The following TPD52 variants were observed in gnomAD, a reference collection of about 807,000 sequenced individuals.
TPD52 encodes the protein prostate and colon associated protein.
Under a neutral mutation model 31.3 loss-of-function variants are expected in TPD52, and 17 were observed. That is an observed-to-expected ratio of 0.54 (90% confidence interval 0.37 to 0.82). TPD52 has a LOEUF of 0.82. Among genes scored for constraint, TPD52 ranks in the 40% least tolerant of loss-of-function variants. The pLI is 0.00. For missense variants in TPD52, 212 were observed against 240.1 expected, an observed-to-expected ratio of 0.88 and a Z score of 0.77; for synonymous variants, 83 against 89.6, an observed-to-expected ratio of 0.93 and a Z score of 0.42.
intron 1 of TPD52, among the ~76,000 whole-genome samples, chr8:80,127,024 A>G (rs1007744178): frequency 6.6e-6 from 1 of 151,992 alleles, no homozygotes; most frequent in East Asian, 1.9e-4. Flanking sequence ...TGGAAGGATC[A>G]CCTGAGCTCA....
At chr8:80,094,450 A>G (rs1449957484) in intron 1 of TPD52, among the ~76,000 whole-genome samples, 1 of 63,146 alleles carries the variant, frequency 1.6e-5, no homozygotes, top group Non-Finnish European at 2.9e-5. Context: ...ATATATATAT[A>G]TATATATATA....
rs1563610171 is a variant in TPD52 at position 80,081,154 on chromosome 8, CTCTTTTTTTTTTTTT to C, written c.20-16576_20-16562del. ...CTTCAGACTGACTTTTCTTTTCTCTCTCTTTTTTTTTTTTTTTTTTTTTTTAGAAAGCTGGTGCTT... is the reference window on the plus strand; with the variant it reads ...CTTCAGACTGACTTTTCTTTTCTCTCTTTTTTTTTTAGAAAGCTGGTGCTT... On this transcript the variant is annotated intron_variant, in intron 1 of 7. Transcript: ENST00000518937. 3.4e-3 allele frequency among the ~76,000 whole-genome samples: 487 copies of C among 141,186 alleles called. 4 individuals are homozygous for C. Among genetic ancestry groups the C allele is most frequent in the African/African-American group, 0.011 (429 of 38,390 alleles). 92.6% of individuals were successfully genotyped at this position (141,186 alleles called of 152,430 possible). A position where few individuals can be genotyped will look rare whatever the true frequency, so the allele number is the denominator to read the frequency against.
At chr8:80,044,497 T>C (rs1810657634) in intron 5 of TPD52, among the ~76,000 whole-genome samples, 1 of 152,186 alleles carries the variant, frequency 6.6e-6, no homozygotes, top group Admixed American at 6.5e-5. Flanking sequence ...ATATAGGTGT[T>C]AAATGAGTTA....
intron 7 of TPD52, among the ~76,000 whole-genome samples, chr8:80,041,864 C>T (rs1274801482): frequency 6.6e-6 from 1 of 151,972 alleles, no homozygotes; most frequent in Non-Finnish European, 1.5e-5. Context: ...CCGAGGCGGG[C>T]GGATCACGAG....
At chr8:80,130,061 T>C (rs1808915940) in intron 1 of TPD52, among the ~76,000 whole-genome samples, 1 of 152,262 alleles carries the variant, frequency 6.6e-6, no homozygotes, top group Admixed American at 6.5e-5. Context: ...AGTTTTATAT[T>C]CTGAAGAAGG....
chr8:80,114,703 T>C (rs1360318697), intron 1 of TPD52, among the ~76,000 whole-genome samples: 1 of 149,170 alleles, frequency 6.7e-6, no homozygotes, highest in Non-Finnish European at 1.5e-5. Context: ...CCTGCTTTCC[T>C]GCCCCTGTGC....
At chr8:80,115,286 T>C (rs1208359742) in intron 1 of TPD52, among the ~76,000 whole-genome samples, 1 of 151,954 alleles carries the variant, frequency 6.6e-6, no homozygotes, top group Non-Finnish European at 1.5e-5. Context: ...CTACAATGAA[T>C]AAAAAACAGT....
At chr8:80,087,895 A>G (rs1448967757) in intron 1 of TPD52, among the ~76,000 whole-genome samples, 2 of 152,186 alleles carry the variant, frequency 1.3e-5, no homozygotes, top group African/African-American at 4.8e-5. Flanking sequence ...CTTGACTCCA[A>G]ATAAAAAGTA....
intron 1 of TPD52, among the ~76,000 whole-genome samples, chr8:80,103,010 C>T (rs1489129681): frequency 6.6e-6 from 1 of 152,196 alleles, no homozygotes; most frequent in Non-Finnish European, 1.5e-5. Flanking sequence ...AAGCTCCATG[C>T]CCCTTCTCCC....
chr8:80,052,837 T>C (rs1012754871), intron 3 of TPD52, among the ~76,000 whole-genome samples: 1 of 151,986 alleles, frequency 6.6e-6, no homozygotes, highest in African/African-American at 2.4e-5. Context: ...AAAAAATACA[T>C]TAATAATAAT....
chr8:80,051,268 G>A (rs1315152977), intron 4 of TPD52: 3 of 505,604 alleles, frequency 5.9e-6, no homozygotes, highest in African/African-American at 2.0e-5. Flanking sequence ...TGATCATGAA[G>A]AACTAAAAAG....
At chr8:80,162,637 G>GA (rs1055478060) in intron 1 of TPD52, among the ~76,000 whole-genome samples, 2 of 146,874 alleles carry the variant, frequency 1.4e-5, no homozygotes, top group Non-Finnish European at 3.0e-5. Context: ...AAAGAGAAAA[G>GA]AAAAAAAAGA....
In TPD52 at chr8:80,042,547, G is replaced by T. The variant is rs1810488139; in HGVS notation, c.504+73C>A. Reference sequence around the variant, plus strand: ...TTTAGAAAGAAATATTAATGTCAATGATTTTCGCACAGCAAAGTTAATTAA... The same window carrying T: ...TTTAGAAAGAAATATTAATGTCAATTATTTTCGCACAGCAAAGTTAATTAA... On this transcript the variant is annotated intron_variant, in intron 7 of 7. Transcript: ENST00000518937. 3 of 1,548,962 alleles carry T rather than the reference G, an allele frequency of 1.9e-6. No homozygotes were observed. In the African/African-American group the frequency reaches 4.2e-5, roughly 22 times the overall value.
intron 1 of TPD52, among the ~76,000 whole-genome samples, chr8:80,124,154 TTCTC>T (rs768592021): frequency 2.2e-3 from 311 of 139,230 alleles, no homozygotes; most frequent in Non-Finnish European, 3.6e-3. Flanking sequence ...ATCAGCATGT[TTCTC>T]TCTCTCTCTT....
At chr8:80,149,166 C>T (rs570781971) in intron 1 of TPD52, among the ~76,000 whole-genome samples, 3 of 152,260 alleles carry the variant, frequency 2.0e-5, no homozygotes, top group South Asian at 2.1e-4. Flanking sequence ...CCATAATTCC[C>T]GTGTGTTGTG....
At chr8:80,133,855 A>G (rs115592481) in intron 1 of TPD52, among the ~76,000 whole-genome samples, 7 of 152,120 alleles carry the variant, frequency 4.6e-5, no homozygotes, top group African/African-American at 1.7e-4. Flanking sequence ...TATTCAAAAC[A>G]CCCCAAGGAA....
At chr8:80,046,905 A>G (rs997546999) in intron 5 of TPD52, among the ~76,000 whole-genome samples, 1 of 152,184 alleles carries the variant, frequency 6.6e-6, no homozygotes, top group African/African-American at 2.4e-5. Context: ...CAATAATAAT[A>G]AGAGAGGAGG....
At chr8:80,085,809 T>C (rs989279830) in intron 1 of TPD52, among the ~76,000 whole-genome samples, 1 of 152,172 alleles carries the variant, frequency 6.6e-6, no homozygotes, top group African/African-American at 2.4e-5. Flanking sequence ...TAAATGATGT[T>C]TAAAGTGCCT....
chr8:80,100,578 T>C (rs1307087429), intron 1 of TPD52, among the ~76,000 whole-genome samples: 2 of 152,222 alleles, frequency 1.3e-5, no homozygotes, highest in African/African-American at 4.8e-5. Context: ...AAGTCAGCTC[T>C]TTCCAGTCAC....
Sources: gnomAD v4.1 joint callset for allele counts (sites outside exome capture counted in the v4.1 genomes callset) on GRCh38, gnomAD v4.1.1 for gene constraint, MANE v1.5 for transcripts, NCBI Gene and HGNC (gene_info 2026-07-23, HGNC 2026-07-21) for gene names.